TFPI: variants seen among roughly 807,000 people sequenced by gnomAD.
TFPI encodes anti-convertin.
Under a neutral mutation model 34.6 loss-of-function variants are expected in TFPI, and 15 were observed. The observed-to-expected ratio is 0.43, with a 90% CI of 0.29 to 0.67. TFPI has a LOEUF of 0.67. Ranked by LOEUF, TFPI falls within the 30% of genes least tolerant of loss-of-function variation. TFPI has a pLI of 0.15. For missense variants in TFPI, 301 were observed against 364.0 expected, an observed-to-expected ratio of 0.83 and a Z score of 1.41; for synonymous variants, 105 against 120.1, an observed-to-expected ratio of 0.87 and a Z score of 0.82.
intron 6 of TFPI, among the ~76,000 whole-genome samples, chr2:187,470,638 G>A (rs1197384814): frequency 6.6e-6 from 1 of 152,138 alleles, no homozygotes; most frequent in African/African-American, 2.4e-5. Context: ...AACAAGGCCT[G>A]CCATTTACCA....
At chr2:187,552,009 T>A (rs1689114750) in intron 1 of TFPI, among the ~76,000 whole-genome samples, 1 of 152,140 alleles carries the variant, frequency 6.6e-6, no homozygotes, top group Admixed American at 6.6e-5. Context: ...GATGATATAA[T>A]TAACCCATTT....
At chr2:187,554,058 G>A (rs952447849) in intron 1 of TFPI, 142 bp downstream of exon 1, 1 of 152,020 alleles carries the variant, frequency 6.6e-6, no homozygotes, top group Non-Finnish European at 1.5e-5. Flanking sequence ...TGTTTACAGG[G>A]AAGGGCTGAT....
chr2:187,497,758 C>G (rs369556379), intron 2 of TFPI, among the ~76,000 whole-genome samples: 2 of 151,532 alleles, frequency 1.3e-5, no homozygotes, highest in Non-Finnish European at 3.0e-5. Context: ...AATTTTCTAT[C>G]CTGGGAATGG....
At chr2:187,475,295 A>G (rs1261889008) in intron 6 of TFPI, among the ~76,000 whole-genome samples, 1 of 152,202 alleles carries the variant, frequency 6.6e-6, no homozygotes, top group Non-Finnish European at 1.5e-5. Context: ...AGATCCAAAG[A>G]CAAAAAATAT....
intron 1 of TFPI, chr2:187,515,103 G>C (rs951412171): frequency 1.3e-5 from 2 of 152,180 alleles, no homozygotes; most frequent in African/African-American, 4.8e-5. Context: ...TGGGGCCAGT[G>C]GCCTACCTCT....
At chr2:187,472,703 G>C (rs1692116780) in intron 6 of TFPI, among the ~76,000 whole-genome samples, 1 of 152,110 alleles carries the variant, frequency 6.6e-6, no homozygotes, top group Admixed American at 6.6e-5. Flanking sequence ...ATTATTTTAT[G>C]TACTATTCAT....
chr2:187,506,511 C>G (rs1055504686), intron 1 of TFPI, among the ~76,000 whole-genome samples: 47 of 152,194 alleles, frequency 3.1e-4, no homozygotes, highest in African/African-American at 1.1e-3. Flanking sequence ...ATATCCTTAT[C>G]TTTTCCCCAG....
chr2:187,503,670 A>G lies in TFPI; in HGVS notation c.99T>C (p.Asp33=), dbSNP rs746437243. 1.2e-6 allele frequency: 2 copies of G among 1,612,948 alleles called. No homozygotes were observed. The highest frequency in any genetic ancestry group is 2.2e-5 in the East Asian group (1 of 44,844). Residue 33 remains aspartate, a synonymous_variant, in exon 2 of 8, where the codon GAT becomes GAC. Transcript: ENST00000233156. ...PAPLNADSEE[D]EEHTIITDTE... is the part of the protein sequence containing the mutation. ...TACCTGTGATAATTGTGTGTTCTTC[A>G]TCTTCCTCAGAATCAGCATTAAGAG...
intron 1 of TFPI, among the ~76,000 whole-genome samples, chr2:187,512,986 G>T (rs1245579316): frequency 6.6e-6 from 1 of 152,058 alleles, no homozygotes; most frequent in Non-Finnish European, 1.5e-5. Context: ...AAGTAATTGG[G>T]CCTCCTGAAT....
intron 1 of TFPI, among the ~76,000 whole-genome samples, chr2:187,550,111 G>C (rs986320452): frequency 6.6e-6 from 1 of 152,052 alleles, no homozygotes; most frequent in Non-Finnish European, 1.5e-5. Context: ...GGTAGTTAGG[G>C]TATATAGTAC....
At chr2:187,484,077 G>T in intron 6 of TFPI, 47 bp downstream of exon 6, 1 of 1,476,090 alleles carries the variant, frequency 6.8e-7, no homozygotes, top group Non-Finnish European at 9.5e-7. Context: ...TTCATTGTTA[G>T]CATGATAATA....
chr2:187,527,404 T>C (rs765316092), intron 1 of TFPI: 2 of 152,184 alleles, frequency 1.3e-5, no homozygotes, highest in African/African-American at 4.8e-5. Context: ...CAGATTTTTC[T>C]CAGGAAAAGA....
intron 1 of TFPI, among the ~76,000 whole-genome samples, chr2:187,535,700 G>A (rs1307211844): frequency 6.6e-6 from 1 of 151,804 alleles, no homozygotes; most frequent in East Asian, 1.9e-4. Context: ...CAAACAAATT[G>A]AAAAGCTAAC....
At chr2:187,535,054 T>A (rs1688174312) in intron 1 of TFPI, among the ~76,000 whole-genome samples, 1 of 152,130 alleles carries the variant, frequency 6.6e-6, no homozygotes, top group African/African-American at 2.4e-5. Context: ...TAAATACATA[T>A]GCACCAAATA....
At position 187,476,951 on chromosome 2, in the gene TFPI, T is replaced by A. The variant is rs1476157838; in HGVS notation, c.628+7173A>T. Among the ~76,000 whole-genome samples, 13 of 152,338 alleles carry A rather than the reference T, an allele frequency of 8.5e-5. No individual in the cohort carries two copies. In the South Asian group the frequency reaches 1.7e-3, roughly 19 times the overall value. ...GATCATAATGAATTTATTCCTACTA[T>A]GTTACTGGTTCATACAAAATGAAAG... On this transcript the variant is annotated intron_variant, in intron 6 of 7. Transcript: ENST00000233156.
At chr2:187,510,946 G>A (rs1336366056) in intron 1 of TFPI, among the ~76,000 whole-genome samples, 1 of 152,132 alleles carries the variant, frequency 6.6e-6, no homozygotes, top group Non-Finnish European at 1.5e-5. Context: ...GGCTTGTTCT[G>A]CTACATTTCT....
Position 187,496,886 on chromosome 2 carries a change from G to T in TFPI, c.314C>A (p.Thr105Lys). 1.2e-6 allele frequency: 2 copies of T among 1,612,772 alleles called. No homozygotes were observed. Among genetic ancestry groups the T allele is most frequent in the Non-Finnish European group, 1.7e-6 (2 of 1,179,186 alleles). ...ESLEECKKMCTRDNANRIIKT... is the reference protein window; with the variant it reads ...ESLEECKKMCKRDNANRIIKT... ...AAGGGTTCCCAGAAACCTACCTCTT[G>T]TACACATTTTTTTGCACTCTTCCAG... Residue 105 changes from threonine (T) to lysine (K), a missense_variant, in exon 3 of 8, where the codon ACA becomes AAA. Physicochemically the swap from Thr to Lys is moderately conservative, Grantham distance 78 (BLOSUM62 -1). Transcript: ENST00000233156.
rs186035979 is a variant in TFPI, at chr2:187,521,847, G to A, written c.-2-18077C>T. On this transcript the variant is annotated intron_variant, in intron 1 of 7. Coordinates refer to ENST00000233156, the MANE Select transcript of TFPI (RefSeq NM_006287.6). ...CTTCCAGAGTGCTGGGATTACAAGC[G>A]TGAGCCACTGCACCAGGCCCAGCAT... Among the ~76,000 whole-genome samples the A allele has an allele frequency of 8.4e-4, 128 of 152,086 alleles. 1 individual carries two copies. In the Middle Eastern group the frequency reaches 0.034, roughly 40 times the overall value.
chr2:187,500,516 TCAA>T (rs1484451900), intron 2 of TFPI, among the ~76,000 whole-genome samples: 4 of 152,106 alleles, frequency 2.6e-5, no homozygotes, highest in East Asian at 1.9e-4. Context: ...TTCCACTCAA[TCAA>T]CAACATTTTT....
Sources: gnomAD v4.1 joint callset for allele counts (sites outside exome capture counted in the v4.1 genomes callset) on GRCh38, gnomAD v4.1.1 for gene constraint, MANE v1.5 for transcripts, NCBI Gene and HGNC (gene_info 2026-07-23, HGNC 2026-07-21) for gene names.